TNK2: variants seen among roughly 807,000 people sequenced by gnomAD.
TNK2 encodes the protein activated CDC42 kinase 1.
TNK2 carries 83 observed loss-of-function variants against 101.8 expected under a neutral mutation model. The observed-to-expected ratio is 0.82, with a 90% CI of 0.68 to 0.98. The LOEUF (loss-of-function observed/expected upper bound fraction) is 0.98, where lower values mean the gene tolerates loss of function less well. TNK2 is among the 50% of genes least tolerant of loss of function. The pLI is 0.00. For missense variants in TNK2, 1,665 were observed against 1,483.2 expected (o/e 1.12, Z -2.01); for synonymous variants, 804 against 633.0 (o/e 1.27, Z -4.06).
chr3:195,890,184 T>TA (rs1401120232), intron 1 of TNK2, among the ~76,000 whole-genome samples: 1 of 152,170 alleles, frequency 6.6e-6, no homozygotes, highest in Non-Finnish European at 1.5e-5. Context: ...TTTCCAAACT[T>TA]AAAGCTGTAA....
In TNK2 at chr3:195,871,440, C is replaced by T. The variant is rs558252649; in HGVS notation, c.1451+836G>A. 1.6e-3 allele frequency among the ~76,000 whole-genome samples: 240 copies of T among 152,180 alleles called. 2 individuals carry two copies. Among genetic ancestry groups the T allele is most frequent in the African/African-American group, 5.2e-3 (215 of 41,508 alleles). Reference sequence around the variant, plus strand: ...ACTCCCATGTGGACCTGCATACATCCCCAGGGCCTGAGCCAGCAGGTTCAC... The same window carrying T: ...ACTCCCATGTGGACCTGCATACATCTCCAGGGCCTGAGCCAGCAGGTTCAC... On this transcript the variant is annotated intron_variant, in intron 10 of 15. Transcript: ENST00000672887.
chr3:195,870,209 T>C lies in TNK2; in HGVS notation c.1452-4A>G. ...CATGGGGTTTCCCAGATACAGTCTG[T>C]GGGGGAGAGAGCTGGGTCAAGAGAG... On this transcript the variant is annotated splice_polypyrimidine_tract_variant and splice_region_variant and intron_variant, in intron 10 of 15. Coordinates refer to ENST00000672887, the MANE Select transcript of TNK2 (RefSeq NM_001382273.1). The C allele has an allele frequency of 1.3e-6, 2 of 1,573,480 alleles. No individual in the cohort carries two copies. The highest frequency in any genetic ancestry group is 1.7e-6 in the Non-Finnish European group (2 of 1,158,348).
chr3:195,896,055 CCTT>C (rs1760424473), intron 1 of TNK2: 2 of 454,716 alleles, frequency 4.4e-6, no homozygotes, highest in South Asian at 3.1e-5. Flanking sequence ...GCACTGACCT[CCTT>C]GACTTCAGAG....
intron 2 of TNK2, 140 bp from the exon 3 acceptor site, chr3:195,887,187 C>G: frequency 1.2e-6 from 1 of 800,848 alleles, no homozygotes; most frequent in Non-Finnish European, 2.0e-6. Flanking sequence ...CCCAACTAAC[C>G]CGGAGCCTCA....
chr3:195,869,112 A>G (rs1742989903), intron 12 of TNK2: 1 of 468,446 alleles, frequency 2.1e-6, no homozygotes, highest in Non-Finnish European at 3.9e-6. Flanking sequence ...GCCTCCTGCC[A>G]TCAGGGGCTA....
At chr3:195,892,272 C>A in intron 1 of TNK2, 1 of 878,440 alleles carries the variant, frequency 1.1e-6, no homozygotes, top group Admixed American at 3.0e-5. Flanking sequence ...GGAGAGGCCA[C>A]TTGGCCCGGA....
rs779984663 is a variant in TNK2, at chr3:195,886,996, C to G, written c.215G>C (p.Arg72Pro). The G allele has an allele frequency of 9.3e-6, 15 of 1,611,734 alleles. No homozygotes were observed. The highest frequency in any genetic ancestry group is 1.3e-5 in the Non-Finnish European group (15 of 1,179,116). The change falls in exon 3 of 16, where the codon CGC (arginine) becomes CCC (proline). Residue 72 changes from arginine (R) to proline (P), a missense_variant. By Grantham distance (103) the Arg-to-Pro change is moderately radical. Around this residue, in one of 3 missense-constraint regions of TNK2, gnomAD observed 490 missense variants for 522.5 expected, o/e 0.94. Coordinates refer to ENST00000672887, the MANE Select transcript of TNK2 (RefSeq NM_001382273.1). This position sits in a 1 kb window ranked among gnomAD's most constrained non-coding sequence, Gnocchi z 4.2. ...ACCCACCTTACTCATCCACGACTTG[C>G]GTTTGCACAAGGCCTTCCTCCTCTT... is the stretch of plus-strand genomic sequence containing the variant. The part of the protein sequence containing the change: ...AVKRRKALCK[R>P]KSWMSKVFSG...
chr3:195,877,328 G>A (rs1174541392), intron 9 of TNK2, among the ~76,000 whole-genome samples: 1 of 152,026 alleles, frequency 6.6e-6, no homozygotes, highest in Admixed American at 6.6e-5. Flanking sequence ...CGGGGTGTCG[G>A]GGCCACAGCG....
At position 195,884,845 on chromosome 3, in the gene TNK2, G is replaced by A. The variant is rs1241840224; in HGVS notation, c.423C>T (p.Arg141=). 2 of 1,612,828 alleles carry A rather than the reference G, an allele frequency of 1.2e-6. No homozygotes were observed. Residue 141 remains arginine (R), a synonymous_variant, in exon 4 of 16, where the codon CGC becomes CGT. Transcript: ENST00000672887. ...KLGDGSFGVV[R]RGEWDAPSGK... Reference sequence around the variant, plus strand: ...CTGAGGGCGCGTCCCACTCGCCCCTGCGCACCACGCCAAAGGAACCATCAC... The same window carrying A: ...CTGAGGGCGCGTCCCACTCGCCCCTACGCACCACGCCAAAGGAACCATCAC...
rs530706978 is a variant in TNK2 at position 195,887,898 on chromosome 3, GCGTGTGTGCACGTGCATGCGTGCGTGCA to G, written c.163+500_163+527del. Among the ~76,000 whole-genome samples the G allele has an allele frequency of 4.8e-4, 62 of 129,492 alleles. 1 individual carries two copies. The South Asian group carries it at 8.0e-3, about 17-fold the overall frequency. 85.0% of individuals were successfully genotyped at this position (129,492 alleles called of 152,430 possible). A position where few individuals can be genotyped will look rare whatever the true frequency, so the allele number is the denominator to read the frequency against. On this transcript the variant is annotated intron_variant, in intron 2 of 15. Coordinates refer to ENST00000672887, the MANE Select transcript of TNK2 (RefSeq NM_001382273.1). ...TGAGCGCGTGCGTACGCACGTGCATGCGTGTGTGCACGTGCATGCGTGCGTGCACGTGTGTGCGCATGTGCGTGTGTGC... is the reference window on the plus strand; with the variant it reads ...TGAGCGCGTGCGTACGCACGTGCATGCGTGTGTGCGCATGTGCGTGTGTGC...
chr3:195,884,814 T>C lies in TNK2; in HGVS notation c.454A>G (p.Thr152Ala). 6.2e-7 allele frequency: 1 copy of C among 1,609,288 alleles called. No individual in the cohort carries two copies. The highest frequency in any genetic ancestry group is 8.5e-7 in the Non-Finnish European group (1 of 1,178,876). Residue 152 changes from threonine (T) to alanine (A), a missense_variant and splice_region_variant, in exon 4 of 16, where the codon ACG (threonine) becomes GCG (alanine). Thr to Ala is a moderately conservative substitution (Grantham distance 58, BLOSUM62 0). Transcript: ENST00000672887. ...RGEWDAPSGK[T>A]VSVAVKCLKP... is the part of the protein sequence containing the mutation. ...CTGGCAGGACACAGAGAGCTCACCG[T>C]CTTCCCTGAGGGCGCGTCCCACTCG...
chr3:195,883,279 C>G lies in TNK2; in HGVS notation c.487G>C (p.Asp163His). Residue 163 changes from aspartate (D) to histidine (H), a missense_variant, in exon 5 of 16, where the codon GAT becomes CAT. Asp to His is a moderately conservative substitution (Grantham distance 81). This residue lies in a region of TNK2 where 490 missense variants were observed against 522.5 expected (regional missense o/e 0.94). Transcript: ENST00000672887. ...ATGGCTTCTGGCTGGCTCAGGACAT[C>G]GGGCTTCAGGCACTTCACAGCCACA... ...VSVAVKCLKP[D>H]VLSQPEAMDD... 6.2e-7 allele frequency: 1 copy of G among 1,613,396 alleles called. No homozygotes were observed. The highest frequency in any genetic ancestry group is 8.5e-7 in the Non-Finnish European group (1 of 1,180,034).
Position 195,887,017 on chromosome 3 carries a change from C to A in TNK2, c.194G>T (p.Arg65Met), listed in dbSNP as rs1385750629. 13 of 1,614,118 alleles carry A rather than the reference C, an allele frequency of 8.1e-6. No individual in the cohort carries two copies. The African/African-American group carries it at 1.6e-4, about 20-fold the overall frequency. Reference protein sequence around the residue: ...GQRRLWEAVKRRKALCKRKSW... With the variant: ...GQRRLWEAVKMRKALCKRKSW... ...CTTGCGTTTGCACAAGGCCTTCCTC[C>A]TCTTCACAGCCTCCCACAGCCGCCG... Residue 65 changes from arginine to methionine, a missense_variant, in exon 3 of 16, where the codon AGG becomes ATG. Physicochemically the swap from Arg to Met is moderately conservative, Grantham distance 91. Transcript: ENST00000672887.
rs538684056 is a variant in TNK2, at chr3:195,892,221, T to G, written c.-18-3615A>C. On this transcript the variant is annotated intron_variant, in intron 1 of 15. Transcript: ENST00000672887. The stretch of plus-strand genomic sequence containing the variant: ...GTCCGTCACTACTCTGTGGCCGGCG[T>G]GCAAACACACAGGCCAAGAAGAAGG... 3.3e-5 allele frequency among the ~76,000 whole-genome samples: 5 copies of G among 152,234 alleles called. No homozygotes were observed. The East Asian group carries it at 9.7e-4, about 29-fold the overall frequency.
chr3:195,902,249 C>G (rs186783613), intron 1 of TNK2, among the ~76,000 whole-genome samples: 42 of 152,256 alleles, frequency 2.8e-4, no homozygotes, highest in African/African-American at 1.0e-3. Flanking sequence ...CTGGCAGCCC[C>G]GGAAACCTCT....
At position 195,869,236 on chromosome 3, in the gene TNK2, G is replaced by A. The variant is rs1349386136; in HGVS notation, c.1588+261C>T. 5.1e-6 allele frequency: 3 copies of A among 591,864 alleles called. No individual in the cohort carries two copies. The African/African-American group carries it at 5.6e-5, about 11-fold the overall frequency. 36.7% of individuals were successfully genotyped at this position (591,864 alleles called of 1,614,324 possible). Reference sequence around the variant, plus strand: ...AGGCAGAAGCCAGGGCCACACTCGTGCTCCAGAAGCTCAGACAGGTCTGGG... The same window carrying A: ...AGGCAGAAGCCAGGGCCACACTCGTACTCCAGAAGCTCAGACAGGTCTGGG... On this transcript the variant is annotated intron_variant, in intron 12 of 15. Transcript: ENST00000672887.
chr3:195,867,308 C>T (rs1576982980), intron 13 of TNK2, 44 bp from the exon 14 acceptor site: 1 of 1,611,116 alleles, frequency 6.2e-7, no homozygotes, highest in Non-Finnish European at 8.5e-7. Context: ...GCCCACTGCT[C>T]CAGGCCCCTT....
Position 195,887,014 on chromosome 3 carries a change from C to T in TNK2, c.197G>A (p.Arg66Lys). ...CGACTTGCGTTTGCACAAGGCCTTCCTCCTCTTCACAGCCTCCCACAGCCG... is the reference window on the plus strand; with the variant it reads ...CGACTTGCGTTTGCACAAGGCCTTCTTCCTCTTCACAGCCTCCCACAGCCG... The part of the protein sequence containing the change: ...QRRLWEAVKR[R>K]KALCKRKSWM... Residue 66 changes from arginine (R) to lysine (K), a missense_variant, in exon 3 of 16, where the codon AGG becomes AAG. This residue lies in a region of TNK2 where 490 missense variants were observed against 522.5 expected (regional missense o/e 0.94). Transcript: ENST00000672887. 6.2e-7 allele frequency: 1 copy of T among 1,614,244 alleles called. No individual in the cohort carries two copies. The highest frequency in any genetic ancestry group is 8.5e-7 in the Non-Finnish European group (1 of 1,180,038).
chr3:195,884,887 G>A lies in TNK2; in HGVS notation c.381C>T (p.Arg127=). 2.5e-6 allele frequency: 4 copies of A among 1,614,026 alleles called. No individual in the cohort carries two copies. Among genetic ancestry groups the A allele is most frequent in the Non-Finnish European group, 3.4e-6 (4 of 1,180,006 alleles). The change falls in exon 4 of 16, where the codon CGC becomes CGT. Residue 127 remains arginine (R), a synonymous_variant. Transcript: ENST00000672887. The part of the protein sequence containing the change: ...LTCLIGEKDL[R]LLEKLGDGSF... ...AACCATCACCCAGCTTCTCCAGGAG[G>A]CGCAGGTCCTTCTCCCCAATGAGGC...
Sources: allele counts gnomAD v4.1 joint callset (sites outside exome capture counted in the v4.1 genomes callset), GRCh38; gene constraint gnomAD v4.1.1; regional missense constraint gnomAD v4.1.1; non-coding constraint Gnocchi (gnomAD v3.1); transcripts MANE v1.5; gene names NCBI Gene and HGNC (gene_info 2026-07-23, HGNC 2026-07-21).